GRAMD4: variants seen among roughly 807,000 people sequenced by gnomAD.
GRAMD4 encodes GRAM domain containing 4, also known as GRAM domain-containing protein 4.
Under a neutral mutation model 83.9 loss-of-function variants are expected in GRAMD4, and 25 were observed. The observed-to-expected ratio is 0.30, with a 90% CI of 0.22 to 0.42. GRAMD4 has a LOEUF of 0.42. Ranked by LOEUF, GRAMD4 falls within the 10% of genes least tolerant of loss-of-function variation. The pLI is 1.00. For synonymous variants in GRAMD4, 336 were observed against 320.9 expected (o/e 1.05, Z -0.50); for missense variants, 593 against 788.7 (o/e 0.75, Z 2.97).
chr22:46,581,788 C>G (rs2081101471), intron 1 of GRAMD4, among the ~76,000 whole-genome samples: 1 of 152,232 alleles, frequency 6.6e-6, no homozygotes, highest in Admixed American at 6.5e-5. Context: ...GTGCTTCTAA[C>G]CTAAGCCCCA....
rs1305979478 is a variant in GRAMD4, at chr22:46,583,150, C to T, written c.-50+5860C>T. ...TGTTGGTCAGGCTGGTCTCGAATTC[C>T]TGACCTTAGGTGATCCATTCGCTTC... On this transcript the variant is annotated intron_variant, in intron 1 of 1. Coordinates refer to the GRAMD4 transcript ENST00000431155. 2.0e-5 allele frequency among the ~76,000 whole-genome samples: 3 copies of T among 152,212 alleles called. No homozygotes were observed. The East Asian group carries it at 5.8e-4, about 29-fold the overall frequency.
intron 10 of GRAMD4, among the ~76,000 whole-genome samples, chr22:46,667,132 T>C (rs917617480): frequency 1.3e-5 from 2 of 152,214 alleles, no homozygotes; most frequent in East Asian, 3.9e-4. Context: ...TGGCCAGGCT[T>C]CCCAGCTAGG....
chr22:46,675,359 C>T (rs2082581024), intron 16 of GRAMD4, 109 bp from the exon 17 acceptor site: 1 of 764,804 alleles, frequency 1.3e-6, no homozygotes. Context: ...AAGGGAGCAC[C>T]ACTGTCCATC....
intron 1 of GRAMD4, among the ~76,000 whole-genome samples, chr22:46,582,315 A>C (rs1378653861): frequency 6.6e-6 from 1 of 151,604 alleles, no homozygotes. Flanking sequence ...GCAGTGGGAG[A>C]AGCTGAATGC....
intron 3 of GRAMD4, among the ~76,000 whole-genome samples, chr22:46,640,421 G>A (rs1462120840): frequency 6.6e-6 from 1 of 152,156 alleles, no homozygotes; most frequent in East Asian, 1.9e-4. Flanking sequence ...TGATAACAAA[G>A]TTGCAAAATG....
chr22:46,664,550 G>A lies in GRAMD4; in HGVS notation c.717+433G>A, dbSNP rs573235992. Among the ~76,000 whole-genome samples the A allele has an allele frequency of 2.2e-4, 34 of 152,358 alleles. 1 individual carries two copies. In the South Asian group the frequency reaches 6.4e-3, roughly 29 times the overall value. ...TGTGAGCCATGAGTCCTGAGGGATT[G>A]GAGGGTGCCAGGGCCCACATTGCCA... On this transcript the variant is annotated intron_variant, in intron 8 of 18. Transcript: ENST00000406902.
upstream of GRAMD4, chr22:46,577,055 G>C (rs2081048540): frequency 6.8e-6 from 1 of 146,544 alleles, no homozygotes; most frequent in Non-Finnish European, 1.5e-5. Flanking sequence ...CGCGGGGCGG[G>C]GCGGCGGCTG....
intron 8 of GRAMD4, 30 bp from the exon 9 acceptor site, chr22:46,665,582 CAGG>C: frequency 8.2e-7 from 1 of 1,212,952 alleles, no homozygotes; most frequent in Non-Finnish European, 1.2e-6. Context: ...TCCAAGCTGT[CAGG>C]AGGTCTGACG....
intron 3 of GRAMD4, among the ~76,000 whole-genome samples, chr22:46,648,382 A>G (rs2082102702): frequency 1.4e-5 from 2 of 143,948 alleles, no homozygotes; most frequent in African/African-American, 2.6e-5. Context: ...GGATGGATAG[A>G]TGGGTGGGTG....
At chr22:46,680,572 A>G (rs868776072), downstream of GRAMD4, among the ~76,000 whole-genome samples, 766 of 134,354 alleles carry the variant, frequency 5.7e-3, 41 homozygotes, top group African/African-American at 8.6e-3. Context: ...CCGTCCATCC[A>G]TCCATCCATC....
At chr22:46,639,947 G>T (rs1399065150) in intron 3 of GRAMD4, among the ~76,000 whole-genome samples, 1 of 152,144 alleles carries the variant, frequency 6.6e-6, no homozygotes. Context: ...GTGACCTGCC[G>T]CCTGCGACCT....
intron 3 of GRAMD4, among the ~76,000 whole-genome samples, chr22:46,651,078 A>G (rs1288888377): frequency 5.3e-5 from 8 of 152,104 alleles, no homozygotes; most frequent in Non-Finnish European, 1.2e-4. Context: ...TACCCGGGCC[A>G]TCTCGCTTTC....
chr22:46,586,989 G>A (rs1286374633), intron 1 of GRAMD4, among the ~76,000 whole-genome samples: 1 of 152,148 alleles, frequency 6.6e-6, no homozygotes, highest in Non-Finnish European at 1.5e-5. Flanking sequence ...CCTCTTACCC[G>A]GGAAGAACCG....
At chr22:46,618,859 C>T (rs558507216), upstream of GRAMD4, among the ~76,000 whole-genome samples, 15 of 152,314 alleles carry the variant, frequency 9.8e-5, no homozygotes, top group African/African-American at 3.4e-4. The surrounding 1 kb of genome is among the most constrained non-coding windows in gnomAD (Gnocchi z 5.8). Flanking sequence ...AGGGTTTCAC[C>T]CAGACAGCTG....
At chr22:46,597,357 G>A (rs1038933463) in intron 1 of GRAMD4, among the ~76,000 whole-genome samples, 1 of 152,242 alleles carries the variant, frequency 6.6e-6, no homozygotes, top group Non-Finnish European at 1.5e-5. Flanking sequence ...GTATGGGGAT[G>A]AGATGATGTG....
chr22:46,656,197 C>T (rs1435833909), intron 3 of GRAMD4, among the ~76,000 whole-genome samples: 1 of 152,240 alleles, frequency 6.6e-6, no homozygotes, highest in African/African-American at 2.4e-5. Context: ...GGCAGAGCTC[C>T]AGCACCCACA....
At chr22:46,586,489 G>C (rs909898041) in intron 1 of GRAMD4, among the ~76,000 whole-genome samples, 15 of 152,108 alleles carry the variant, frequency 9.9e-5, no homozygotes, top group Admixed American at 1.3e-4. Context: ...CTAGGCCCCA[G>C]ACTGGGGGAG....
At chr22:46,633,028 T>C (rs2081799530) in intron 2 of GRAMD4, among the ~76,000 whole-genome samples, 1 of 152,170 alleles carries the variant, frequency 6.6e-6, no homozygotes, top group African/African-American at 2.4e-5. Context: ...TACTTATTTG[T>C]AGGGCTGAGT....
At chr22:46,675,671 A>G in intron 17 of GRAMD4, 119 bp downstream of exon 17, 1 of 720,644 alleles carries the variant, frequency 1.4e-6, no homozygotes, top group Admixed American at 2.3e-5. Context: ...CGCCGCGGCC[A>G]CGCTGGCCGG....
Sources: gnomAD v4.1 joint callset for allele counts (sites outside exome capture counted in the v4.1 genomes callset) on GRCh38, gnomAD v4.1.1 for gene constraint, Gnocchi (gnomAD v3.1) non-coding constraint, MANE v1.5 for transcripts, NCBI Gene and HGNC (gene_info 2026-07-23, HGNC 2026-07-21) for gene names.